The following SNX2 variants were observed in gnomAD, a reference collection of about 807,000 sequenced individuals.
The protein encoded by SNX2 is sorting nexin 2.
In SNX2, 25 loss-of-function variants were observed where a neutral mutation model predicts 69.9. The ratio of observed to expected loss-of-function variants is 0.36; its 90% CI spans 0.26 to 0.50. The LOEUF (loss-of-function observed/expected upper bound fraction) is 0.50, where lower values mean the gene tolerates loss of function less well. Among genes scored for constraint, SNX2 ranks in the 20% least tolerant of loss-of-function variants. The probability of loss-of-function intolerance (pLI) is 0.97; values close to 1 mark genes in which losing one functional copy is unlikely to be tolerated. For missense variants in SNX2, 551 were observed against 613.3 expected (o/e 0.90, Z 1.07); for synonymous variants, 229 against 200.4 (o/e 1.14, Z -1.20).
intron 11 of SNX2, among the ~76,000 whole-genome samples, chr5:122,824,428 T>C (rs1217127700): frequency 1.3e-5 from 2 of 152,170 alleles, no homozygotes; most frequent in African/African-American, 4.8e-5. Flanking sequence ...TAATAAGGGA[T>C]GTTTTAGGAA....
At chr5:122,817,489 T>G in intron 10 of SNX2, 116 bp downstream of exon 10, 1 of 688,116 alleles carries the variant, frequency 1.5e-6, no homozygotes, top group Admixed American at 3.5e-5. Flanking sequence ...AAACAATCAT[T>G]TAAGACAATG....
At chr5:122,775,276 C>T in intron 1 of SNX2, 65 bp downstream of exon 1, 1 of 1,485,422 alleles carries the variant, frequency 6.7e-7, no homozygotes, top group Non-Finnish European at 9.0e-7. Context: ...TTCCCCTGCC[C>T]CGACTTGTCC....
intron 6 of SNX2, among the ~76,000 whole-genome samples, chr5:122,804,443 G>GCAACCTC (rs969670454): frequency 4.1e-5 from 6 of 145,372 alleles, no homozygotes; most frequent in African/African-American, 1.5e-4. Context: ...TTGGCTCACT[G>GCAACCTC]CAACCTCCGC....
At position 122,831,170 on chromosome 5, in the gene SNX2, A is replaced by G. The variant is rs1202365831; in HGVS notation, c.*1522A>G. On this transcript the variant is annotated 3_prime_UTR_variant, in exon 15 of 15. Coordinates refer to ENST00000379516, the MANE Select transcript of SNX2 (RefSeq NM_003100.4). ...GTAACTAAGTCATCTCTAGTGAGTC[A>G]CTGGATACAATTTATATATCGAAGT... 6.6e-6 allele frequency among the ~76,000 whole-genome samples: 1 copy of G among 152,216 alleles called. No homozygotes were observed. Among genetic ancestry groups the G allele is most frequent in the African/African-American group, 2.4e-5 (1 of 41,456 alleles).
At position 122,801,852 on chromosome 5, in the gene SNX2, T is replaced by G; in HGVS notation, c.391-17T>G. The stretch of plus-strand genomic sequence containing the variant: ...AATTATAATTTTTAATGCCAAAAAA[T>G]AATTTATACTTTCTAGATTGAAGAA... On this transcript the variant is annotated splice_polypyrimidine_tract_variant and intron_variant, in intron 3 of 14. Coordinates refer to ENST00000379516, the MANE Select transcript of SNX2 (RefSeq NM_003100.4). 1 of 1,466,642 alleles carries G rather than the reference T, an allele frequency of 6.8e-7. No homozygotes were observed. The highest frequency in any genetic ancestry group is 9.4e-7 in the Non-Finnish European group (1 of 1,064,650). 90.9% of individuals were successfully genotyped at this position (1,466,642 alleles called of 1,614,324 possible).
intron 3 of SNX2, 43 bp from the exon 4 acceptor site, chr5:122,801,826 A>G: frequency 8.1e-7 from 1 of 1,234,070 alleles, no homozygotes; most frequent in Non-Finnish European, 1.2e-6. Flanking sequence ...ACAATAATTT[A>G]AATTATAATT....
intron 1 of SNX2, among the ~76,000 whole-genome samples, chr5:122,781,252 G>A (rs775170602): frequency 2.6e-4 from 39 of 152,150 alleles, no homozygotes; most frequent in Non-Finnish European, 4.3e-4. Context: ...TGTCATATAG[G>A]TGGAATCATA....
chr5:122,775,481 C>T (rs1752835680), intron 1 of SNX2: 1 of 1,136,884 alleles, frequency 8.8e-7, no homozygotes, highest in African/African-American at 1.6e-5. Flanking sequence ...GGCGCTTTCC[C>T]AGCTCAGCTG....
At chr5:122,776,237 A>G (rs1752854071) in intron 1 of SNX2, among the ~76,000 whole-genome samples, 1 of 152,132 alleles carries the variant, frequency 6.6e-6, no homozygotes, top group East Asian at 1.9e-4. Flanking sequence ...ATTACTGTAA[A>G]ATATCCATTA....
chr5:122,775,868 CTG>C, intron 1 of SNX2: 5 of 753,062 alleles, frequency 6.6e-6, no homozygotes, highest in Non-Finnish European at 8.1e-6. Flanking sequence ...CAGGAAACTG[CTG>C]TTGTGTGTGT....
At chr5:122,788,919 C>T (rs1753149064) in intron 1 of SNX2, among the ~76,000 whole-genome samples, 1 of 152,120 alleles carries the variant, frequency 6.6e-6, no homozygotes, top group Non-Finnish European at 1.5e-5. Context: ...TCTAGGTTGA[C>T]ATCTGTTGAC....
At chr5:122,807,376 G>A (rs1753682417) in intron 6 of SNX2, among the ~76,000 whole-genome samples, 1 of 152,090 alleles carries the variant, frequency 6.6e-6, no homozygotes, top group Non-Finnish European at 1.5e-5. Context: ...TGGAATCTGG[G>A]ATCCCTTAGC....
intron 1 of SNX2, 143 bp downstream of exon 1, chr5:122,775,354 T>G: frequency 7.2e-7 from 1 of 1,382,394 alleles, no homozygotes; most frequent in Non-Finnish European, 9.4e-7. Flanking sequence ...CCACCTCCGG[T>G]GCCTGTCAGA....
rs1754318084 is a variant in SNX2, at chr5:122,832,548, T to TATC, written c.*2901_*2903dup. The TATC allele has an allele frequency of 6.6e-6, 1 of 152,192 alleles. No homozygotes were observed. The highest frequency in any genetic ancestry group is 1.5e-5 in the Non-Finnish European group (1 of 68,026). The allele number at this position is 152,192 out of a possible 1,614,324, so 9.4% of individuals were successfully genotyped here. A position where few individuals can be genotyped will look rare whatever the true frequency, so the allele number is the denominator to read the frequency against. The stretch of plus-strand genomic sequence containing the variant: ...CTACTCCTTAAACTTTTTTCTTTAT[T>TATC]ATCTAGATCTAGTAAAGTTTTCTGC... On this transcript the variant is annotated 3_prime_UTR_variant, in exon 15 of 15. Coordinates refer to ENST00000379516, the MANE Select transcript of SNX2 (RefSeq NM_003100.4).
chr5:122,806,134 A>ATGCGCGCGCGCGCACG (rs142218645), intron 6 of SNX2, among the ~76,000 whole-genome samples: 10 of 121,452 alleles, frequency 8.2e-5, no homozygotes, highest in South Asian at 2.8e-4. Flanking sequence ...ATATATACAC[A>ATGCGCGCGCGCGCACG]CGCGCGCGCA....
At chr5:122,818,735 T>A in intron 10 of SNX2, 83 bp from the exon 11 acceptor site, 3 of 1,128,780 alleles carry the variant, frequency 2.7e-6, no homozygotes, top group Non-Finnish European at 3.8e-6. Flanking sequence ...AAGTAAAATT[T>A]AGAGAAAAGT....
At chr5:122,775,638 A>G (rs1436846501) in intron 1 of SNX2, 6 of 987,848 alleles carry the variant, frequency 6.1e-6, no homozygotes, top group African/African-American at 1.7e-5. Flanking sequence ...GGGGAGCGCA[A>G]TGAAGTGAGC....
intron 11 of SNX2, among the ~76,000 whole-genome samples, chr5:122,824,201 CAAAA>C (rs398050704): frequency 4.4e-5 from 5 of 112,694 alleles, no homozygotes; most frequent in Admixed American, 1.9e-4. Context: ...GACTCTGTCT[CAAAA>C]AAAAAAAAAA....
intron 1 of SNX2, among the ~76,000 whole-genome samples, chr5:122,785,849 A>C (rs1393729262): frequency 6.6e-6 from 1 of 152,122 alleles, no homozygotes; most frequent in Non-Finnish European, 1.5e-5. Context: ...ATGTATATAT[A>C]GTCTGTTTTG....
Sources: allele counts gnomAD v4.1 joint callset (sites outside exome capture counted in the v4.1 genomes callset), GRCh38; gene constraint gnomAD v4.1.1; transcripts MANE v1.5; gene names NCBI Gene and HGNC (gene_info 2026-07-23, HGNC 2026-07-21).